The following MARCHF1 variants were observed in gnomAD, a reference collection of about 807,000 sequenced individuals.
MARCHF1 encodes the protein membrane associated ring-CH-type finger 1.
A neutral mutation model predicts 54.2 loss-of-function variants in MARCHF1; 40 were observed. That is an observed-to-expected ratio of 0.74 (90% confidence interval 0.57 to 0.96). MARCHF1 has a LOEUF of 0.96. MARCHF1 is among the 40% of genes least tolerant of loss of function. The pLI, the probability that MARCHF1 is intolerant of heterozygous loss-of-function variation, is 0.00. For missense variants in MARCHF1, 586 were observed against 656.5 expected, an observed-to-expected ratio of 0.89 and a Z score of 1.17; for synonymous variants, 236 against 236.3, an observed-to-expected ratio of 1.00 and a Z score of 0.01.
chr4:163,696,885 G>A (rs1441338121), intron 5 of MARCHF1, among the ~76,000 whole-genome samples: 1 of 152,006 alleles, frequency 6.6e-6, no homozygotes, highest in Admixed American at 6.6e-5. Flanking sequence ...TCTTTTTTAG[G>A]TAGCATATTA....
chr4:163,548,750 A>C (rs1738996951), intron 8 of MARCHF1, among the ~76,000 whole-genome samples: 2 of 152,196 alleles, frequency 1.3e-5, no homozygotes, highest in Non-Finnish European at 2.9e-5. Flanking sequence ...GTATTTTATA[A>C]ACCTTTCCCT....
intron 1 of MARCHF1, among the ~76,000 whole-genome samples, chr4:164,163,654 G>A (rs1730298060): frequency 6.6e-6 from 1 of 151,826 alleles, no homozygotes; most frequent in Non-Finnish European, 1.5e-5. Context: ...TAAAGTTAAG[G>A]ATGTTAATAC....
chr4:163,806,147 G>T (rs1748219181), intron 4 of MARCHF1, among the ~76,000 whole-genome samples: 1 of 152,116 alleles, frequency 6.6e-6, no homozygotes, highest in Non-Finnish European at 1.5e-5. Flanking sequence ...TTCACAATAA[G>T]AACTCAATTA....
At chr4:164,026,554 A>G (rs1027401873) in intron 2 of MARCHF1, among the ~76,000 whole-genome samples, 2 of 152,050 alleles carry the variant, frequency 1.3e-5, no homozygotes, top group African/African-American at 4.8e-5. Flanking sequence ...CATCATAAAA[A>G]CCCTCAGCAG....
At chr4:164,138,188 T>C (rs1195687240) in intron 1 of MARCHF1, among the ~76,000 whole-genome samples, 2 of 152,128 alleles carry the variant, frequency 1.3e-5, no homozygotes, top group African/African-American at 2.4e-5. Context: ...TTTCATCTGG[T>C]TTATTTTTTA....
chr4:164,308,723 T>C (rs111853798), intron 1 of MARCHF1, among the ~76,000 whole-genome samples: 1,716 of 152,186 alleles, frequency 0.011, 30 homozygotes, highest in African/African-American at 0.039. Flanking sequence ...GGTATATGCA[T>C]ACTCTCACTT....
chr4:163,612,171 T>C, intron 7 of MARCHF1, 100 bp downstream of exon 7: 1 of 1,045,004 alleles, frequency 9.6e-7, no homozygotes, highest in Non-Finnish European at 1.3e-6. Context: ...ACAATGTAAA[T>C]AAATGTTAAG....
At chr4:164,215,362 T>C (rs942006755) in intron 1 of MARCHF1, among the ~76,000 whole-genome samples, 6 of 152,190 alleles carry the variant, frequency 3.9e-5, no homozygotes, top group African/African-American at 1.4e-4. Flanking sequence ...GCTTGTTTTC[T>C]TCCACCGATG....
At chr4:163,585,662 G>A (rs1360306270) in intron 8 of MARCHF1, 87 bp downstream of exon 8, 3 of 1,083,368 alleles carry the variant, frequency 2.8e-6, no homozygotes, top group Non-Finnish European at 4.0e-6. Flanking sequence ...CATATTAGGA[G>A]AATCGTATTG....
At chr4:164,081,726 GCACACACACACACATA>G (rs1755105575) in intron 2 of MARCHF1, among the ~76,000 whole-genome samples, 2 of 143,160 alleles carry the variant, frequency 1.4e-5, no homozygotes, top group African/African-American at 3.0e-5. Context: ...ACACACACAT[GCACACACACACACATA>G]CACACACAAA....
intron 1 of MARCHF1, among the ~76,000 whole-genome samples, chr4:164,358,466 A>C (rs1396667219): frequency 6.6e-6 from 1 of 152,186 alleles, no homozygotes; most frequent in Non-Finnish European, 1.5e-5. Flanking sequence ...TAAGAAACAG[A>C]ATTGCAAGAA....
At chr4:163,755,229 T>C (rs1190821691) in intron 4 of MARCHF1, among the ~76,000 whole-genome samples, 1 of 152,212 alleles carries the variant, frequency 6.6e-6, no homozygotes, top group Non-Finnish European at 1.5e-5. Context: ...CGTTTAGATG[T>C]ATTCTAAATT....
chr4:163,797,228 C>A (rs938836062), intron 4 of MARCHF1, among the ~76,000 whole-genome samples: 1 of 151,760 alleles, frequency 6.6e-6, no homozygotes, highest in Non-Finnish European at 1.5e-5. Flanking sequence ...TTCCTGCTAT[C>A]AAGAAGTTGG....
chr4:164,151,151 T>C (rs200992052), intron 1 of MARCHF1, among the ~76,000 whole-genome samples: 1 of 125,942 alleles, frequency 7.9e-6, no homozygotes, highest in Admixed American at 8.4e-5. Flanking sequence ...TCCAGAACTC[T>C]AAGAAAATAA....
At chr4:163,738,359 G>A (rs920999091) in intron 4 of MARCHF1, among the ~76,000 whole-genome samples, 2 of 152,096 alleles carry the variant, frequency 1.3e-5, no homozygotes, top group East Asian at 3.9e-4. Context: ...TTTTGGGTTC[G>A]GGCTTCTGTT....
At chr4:163,816,353 T>G (rs1204457176) in intron 4 of MARCHF1, among the ~76,000 whole-genome samples, 4 of 148,312 alleles carry the variant, frequency 2.7e-5, no homozygotes, top group Non-Finnish European at 4.5e-5. Flanking sequence ...TTAGAACATA[T>G]TAGATGAGTG....
At chr4:163,591,404 C>T (rs1340638219) in intron 7 of MARCHF1, among the ~76,000 whole-genome samples, 3 of 152,014 alleles carry the variant, frequency 2.0e-5, no homozygotes, top group Admixed American at 6.6e-5. Context: ...ATTTTTTGAG[C>T]TGTCATTGCT....
chr4:163,683,787 A>G (rs1744182210), intron 5 of MARCHF1, among the ~76,000 whole-genome samples: 1 of 152,200 alleles, frequency 6.6e-6, no homozygotes, highest in African/African-American at 2.4e-5. Flanking sequence ...TATTTTGCTC[A>G]CAACTCTGCA....
intron 4 of MARCHF1, among the ~76,000 whole-genome samples, chr4:163,850,397 G>A (rs1485246978): frequency 6.6e-6 from 1 of 152,146 alleles, no homozygotes; most frequent in Non-Finnish European, 1.5e-5. Flanking sequence ...TTACTCTTCT[G>A]TATGAGTGGT....
Sources: gnomAD v4.1 joint callset for allele counts (sites outside exome capture counted in the v4.1 genomes callset) on GRCh38, gnomAD v4.1.1 for gene constraint, MANE v1.5 for transcripts, NCBI Gene and HGNC (gene_info 2026-07-23, HGNC 2026-07-21) for gene names.